Variants in FRMD5 observed in about 807,000 individuals in gnomAD.
The protein encoded by FRMD5 is FERM domain-containing protein 5.
A neutral mutation model predicts 69.0 loss-of-function variants in FRMD5; 20 were observed. The ratio of observed to expected loss-of-function variants is 0.29; its 90% CI spans 0.20 to 0.42. The LOEUF is 0.42. Ranked by LOEUF, FRMD5 falls within the 10% of genes least tolerant of loss-of-function variation. The pLI is 1.00. For synonymous variants in FRMD5, 271 were observed against 260.1 expected, an observed-to-expected ratio of 1.04 and a Z score of -0.40; for missense variants, 595 against 708.6, an observed-to-expected ratio of 0.84 and a Z score of 1.82.
chr15:43,963,769 A>G (rs1329671379), intron 1 of FRMD5, among the ~76,000 whole-genome samples: 1 of 152,172 alleles, frequency 6.6e-6, no homozygotes, highest in Non-Finnish European at 1.5e-5. Context: ...ACATGGATGA[A>G]GCTGGAAACC....
chr15:44,191,359 G>A lies in FRMD5; in HGVS notation c.102+3594C>T, dbSNP rs188512700. ...ATCCCAGCACTTTGGGAGGCGAGGC[G>A]GGTGGATCACGAGGTCAAGAGATAG... is the stretch of plus-strand genomic sequence containing the variant. On this transcript the variant is annotated intron_variant, in intron 1 of 13. Transcript: ENST00000417257. Among the ~76,000 whole-genome samples, 378 of 152,136 alleles carry A rather than the reference G, an allele frequency of 2.5e-3. 3 individuals are homozygous for A. Among genetic ancestry groups the A allele is most frequent in the African/African-American group, 8.3e-3 (345 of 41,516 alleles).
At position 43,951,980 on chromosome 15, in the gene FRMD5, T is replaced by TTGTG. The variant is rs1174993374; in HGVS notation, c.103-27675_103-27672dup. Among the ~76,000 whole-genome samples, 638 of 107,706 alleles carry TTGTG rather than the reference T, an allele frequency of 5.9e-3. 10 individuals are homozygous for TTGTG. Among genetic ancestry groups the TTGTG allele is most frequent in the African/African-American group, 0.043 (611 of 14,354 alleles). The allele number at this position is 107,706 out of a possible 152,430, so 70.7% of individuals were successfully genotyped here. A position where few individuals can be genotyped will look rare whatever the true frequency, so the allele number is the denominator to read the frequency against. ...ATGTGCATGTGTGTGTGTGTGTGTG[T>TTGTG]TGTGTGTGTGTGTGTGTGTCTGTGT... On this transcript the variant is annotated intron_variant, in intron 1 of 13. Coordinates refer to ENST00000417257, the MANE Select transcript of FRMD5 (RefSeq NM_032892.5).
chr15:44,188,871 T>C (rs2078146423), intron 1 of FRMD5, among the ~76,000 whole-genome samples: 1 of 152,050 alleles, frequency 6.6e-6, no homozygotes, highest in African/African-American at 2.4e-5. Context: ...ACTTCTGGAG[T>C]GGTCCAGAGC....
chr15:44,052,493 T>C (rs1892710673), intron 1 of FRMD5, among the ~76,000 whole-genome samples: 3 of 152,224 alleles, frequency 2.0e-5, no homozygotes, highest in South Asian at 2.1e-4. Flanking sequence ...CAAGGTGTAC[T>C]TGTTACTAGT....
intron 1 of FRMD5, among the ~76,000 whole-genome samples, chr15:44,113,588 A>G (rs898524243): frequency 7.2e-5 from 11 of 152,230 alleles, no homozygotes; most frequent in Admixed American, 2.6e-4. Context: ...TTATTTTTAA[A>G]TGCACAATTA....
At position 44,056,057 on chromosome 15, in the gene FRMD5, T is replaced by C. The variant is rs1892859050; in HGVS notation, c.103-131748A>G. 2.0e-5 allele frequency among the ~76,000 whole-genome samples: 3 copies of C among 152,336 alleles called. No homozygotes were observed. The South Asian group carries it at 6.2e-4, about 32-fold the overall frequency. On this transcript the variant is annotated intron_variant, in intron 1 of 13. Transcript: ENST00000417257. ...AATCAACATATGATTCTCTCTCATC[T>C]TCAAACCTTTCCAAACAAGTAACTT...
chr15:44,178,197 G>C (rs1280711949), intron 1 of FRMD5, among the ~76,000 whole-genome samples: 1 of 152,030 alleles, frequency 6.6e-6, no homozygotes, highest in African/African-American at 2.4e-5. Context: ...GGTGGTGGGT[G>C]CCTGTAATCC....
At chr15:43,995,544 C>T (rs1402852596) in intron 1 of FRMD5, among the ~76,000 whole-genome samples, 1 of 151,952 alleles carries the variant, frequency 6.6e-6, no homozygotes, top group Non-Finnish European at 1.5e-5. Context: ...CTGGTGTCTA[C>T]AGGAGTGGGT....
chr15:44,105,025 T>C (rs1456705663), intron 1 of FRMD5, among the ~76,000 whole-genome samples: 1 of 151,842 alleles, frequency 6.6e-6, no homozygotes, highest in Non-Finnish European at 1.5e-5. Flanking sequence ...ATAATGCTGA[T>C]AAAACTTTCA....
intron 1 of FRMD5, among the ~76,000 whole-genome samples, chr15:44,079,312 A>C (rs1264022949): frequency 6.6e-6 from 1 of 152,164 alleles, no homozygotes; most frequent in Non-Finnish European, 1.5e-5. Context: ...GAATGCCTGC[A>C]CTTTCCTCGT....
intron 7 of FRMD5, among the ~76,000 whole-genome samples, chr15:43,893,782 G>C (rs534308627): frequency 6.6e-6 from 1 of 152,288 alleles, no homozygotes; most frequent in African/African-American, 2.4e-5. Flanking sequence ...CCCTGACACA[G>C]ATTCTCAGCC....
chr15:44,014,472 C>T (rs1890865892), intron 1 of FRMD5, among the ~76,000 whole-genome samples: 2 of 152,262 alleles, frequency 1.3e-5, no homozygotes, highest in South Asian at 4.1e-4. Flanking sequence ...TGTGGTAGCT[C>T]ACGCCTGTAA....
chr15:43,975,462 A>G (rs1388666965), intron 1 of FRMD5, among the ~76,000 whole-genome samples: 2 of 152,194 alleles, frequency 1.3e-5, no homozygotes, highest in African/African-American at 4.8e-5. Context: ...AATAGAGAAG[A>G]GGAAACCTGA....
chr15:44,195,104 A>G lies in FRMD5; in HGVS notation c.-50T>C, dbSNP rs770105357. ...GACGCGGCGGCGCTGCGGACCCTGG[A>G]CCAGGCGTCCCTCAGCCCGGCAGCT... is the stretch of plus-strand genomic sequence containing the variant. On this transcript the variant is annotated 5_prime_UTR_variant, in exon 1 of 14. Coordinates refer to ENST00000417257, the MANE Select transcript of FRMD5 (RefSeq NM_032892.5). The G allele has an allele frequency of 8.1e-7, 1 of 1,235,006 alleles. No individual in the cohort carries two copies. The highest frequency in any genetic ancestry group is 1.0e-6 in the Non-Finnish European group (1 of 955,468). 76.5% of individuals were successfully genotyped at this position (1,235,006 alleles called of 1,614,324 possible). A position where few individuals can be genotyped will look rare whatever the true frequency, so the allele number is the denominator to read the frequency against.
At chr15:43,914,626 T>C (rs886774165) in intron 4 of FRMD5, among the ~76,000 whole-genome samples, 3 of 150,630 alleles carry the variant, frequency 2.0e-5, no homozygotes, top group Non-Finnish European at 2.9e-5. Flanking sequence ...GGCAAAATAA[T>C]AACAAAACAA....
chr15:44,081,285 C>T (rs951033933), intron 1 of FRMD5, among the ~76,000 whole-genome samples: 8 of 152,070 alleles, frequency 5.3e-5, no homozygotes, highest in African/African-American at 1.9e-4. Context: ...ACAGCTTGTT[C>T]TGGATTTTCT....
chr15:44,171,771 T>G (rs1382052105), intron 1 of FRMD5, among the ~76,000 whole-genome samples: 1 of 152,192 alleles, frequency 6.6e-6, no homozygotes, highest in Non-Finnish European at 1.5e-5. Context: ...GGTCAGTATC[T>G]GCTGGCTTTT....
In FRMD5 at chr15:43,873,826, G is replaced by A; in HGVS notation, c.*59C>T. The stretch of plus-strand genomic sequence containing the variant: ...GTTCCGCGATGGGTCCCATTGCTGG[G>A]AATGGGTAGCCGGGTTCCTTGGTCC... On this transcript the variant is annotated 3_prime_UTR_variant, in exon 14 of 14. Coordinates refer to ENST00000417257, the MANE Select transcript of FRMD5 (RefSeq NM_032892.5). 1.3e-6 allele frequency: 2 copies of A among 1,592,940 alleles called. No individual in the cohort carries two copies. Among genetic ancestry groups the A allele is most frequent in the South Asian group, 2.2e-5 (2 of 88,926 alleles).
upstream of FRMD5, among the ~76,000 whole-genome samples, chr15:44,196,465 CA>C (rs529135395): frequency 3.2e-3 from 422 of 130,164 alleles, 4 homozygotes; most frequent in African/African-American, 9.7e-3. Context: ...GCCACCGTCT[CA>C]AAAAAAAAAA....
Sources: allele counts gnomAD v4.1 joint callset (sites outside exome capture counted in the v4.1 genomes callset), GRCh38; gene constraint gnomAD v4.1.1; transcripts MANE v1.5; gene names NCBI Gene and HGNC (gene_info 2026-07-23, HGNC 2026-07-21).